The following ST18 variants were observed in gnomAD, a reference collection of about 807,000 sequenced individuals.
The protein encoded by ST18 is ST18 C2H2C-type zinc finger transcription factor, also known as suppression of tumorigenicity 18 protein.
Under a neutral mutation model 110.0 loss-of-function variants are expected in ST18, and 50 were observed. The observed-to-expected ratio is 0.45, with a 90% CI of 0.36 to 0.58. The LOEUF (loss-of-function observed/expected upper bound fraction) is 0.58. ST18 is among the 20% of genes least tolerant of loss of function. The pLI is 0.00. For synonymous variants in ST18, 461 were observed against 452.4 expected (o/e 1.02, Z -0.24); for missense variants, 1,306 against 1,280.1 (o/e 1.02, Z -0.31).
At chr8:52,240,681 A>G (rs2093317045) in intron 2 of ST18, among the ~76,000 whole-genome samples, 2 of 152,084 alleles carry the variant, frequency 1.3e-5, no homozygotes. Context: ...TTCAGGGTCA[A>G]ACTTCTTAAT....
Position 52,173,679 on chromosome 8 carries a change from C to A in ST18, c.278-1096G>T, listed in dbSNP as rs950326277. Among the ~76,000 whole-genome samples, 8 of 152,152 alleles carry A rather than the reference C, an allele frequency of 5.3e-5. No individual in the cohort carries two copies. The East Asian group carries it at 1.5e-3, about 29-fold the overall frequency. ...GGCTGTGAAGTGCCTGCAACAGTGCCCAGACATCCAAAAAATAGGAGGACT... is the reference window on the plus strand; with the variant it reads ...GGCTGTGAAGTGCCTGCAACAGTGCACAGACATCCAAAAAATAGGAGGACT... On this transcript the variant is annotated intron_variant, in intron 9 of 25. Transcript: ENST00000689386.
intron 22 of ST18, among the ~76,000 whole-genome samples, chr8:52,126,678 T>G (rs1216719504): frequency 6.6e-6 from 1 of 152,260 alleles, no homozygotes; most frequent in Non-Finnish European, 1.5e-5. Flanking sequence ...GGGAATGTTT[T>G]TAATTTTTTT....
rs145166994 is a variant in ST18, at chr8:52,397,062, G to A, written c.-465+12266C>T. Among the ~76,000 whole-genome samples the A allele has an allele frequency of 7.2e-3, 1,099 of 152,268 alleles. 12 individuals carry two copies. The highest frequency in any genetic ancestry group is 0.025 in the African/African-American group (1,028 of 41,542). On this transcript the variant is annotated intron_variant, in intron 2 of 25. Transcript: ENST00000689386. The stretch of plus-strand genomic sequence containing the variant: ...GAATTTCTTGGGAAACCTCCATACT[G>A]TTTTTCATAATGGCTGTATCAATCT...
At chr8:52,214,740 C>T (rs1204530068) in intron 6 of ST18, among the ~76,000 whole-genome samples, 4 of 152,070 alleles carry the variant, frequency 2.6e-5, no homozygotes, top group African/African-American at 9.7e-5. Flanking sequence ...CCTCAAATGC[C>T]CCCAGAAAAT....
intron 4 of ST18, among the ~76,000 whole-genome samples, chr8:52,221,375 T>C (rs988306422): frequency 2.6e-5 from 4 of 152,202 alleles, no homozygotes; most frequent in Non-Finnish European, 5.9e-5. Flanking sequence ...ATGTTTTAAG[T>C]TGTCGTCCAA....
At chr8:52,165,450 A>G (rs1282347910) in intron 11 of ST18, among the ~76,000 whole-genome samples, 1 of 152,230 alleles carries the variant, frequency 6.6e-6, no homozygotes, top group Admixed American at 6.5e-5. Context: ...TTGTGTTTAC[A>G]CTAGACTTCA....
intron 2 of ST18, among the ~76,000 whole-genome samples, chr8:52,372,882 G>C (rs1830757786): frequency 6.6e-6 from 1 of 152,244 alleles, no homozygotes; most frequent in Admixed American, 6.5e-5. Context: ...TATGAAGCTG[G>C]GTAATGGGTA....
chr8:52,135,545 G>A (rs1360293161), intron 19 of ST18, among the ~76,000 whole-genome samples: 1 of 123,858 alleles, frequency 8.1e-6, no homozygotes, highest in African/African-American at 3.0e-5. Flanking sequence ...GGGCACCTGG[G>A]CAACAAGACC....
chr8:52,293,845 A>G (rs1178729941), intron 2 of ST18, among the ~76,000 whole-genome samples: 1 of 152,160 alleles, frequency 6.6e-6, no homozygotes, highest in African/African-American at 2.4e-5. Flanking sequence ...TAAACTTCTG[A>G]GTGGAGCTCC....
chr8:52,180,059 T>C, intron 9 of ST18, 63 bp downstream of exon 9: 2 of 1,525,520 alleles, frequency 1.3e-6, no homozygotes, highest in South Asian at 1.2e-5. Context: ...ACACTCTACA[T>C]GAATTAGCAC....
chr8:52,238,607 T>C (rs2093014062), intron 2 of ST18, among the ~76,000 whole-genome samples: 2 of 152,036 alleles, frequency 1.3e-5, no homozygotes, highest in South Asian at 4.2e-4. Flanking sequence ...ATCAACGGAT[T>C]ACTGGATGAA....
At chr8:52,241,614 A>G (rs546606647) in intron 2 of ST18, among the ~76,000 whole-genome samples, 6 of 152,304 alleles carry the variant, frequency 3.9e-5, no homozygotes, top group Admixed American at 1.3e-4. Flanking sequence ...TGTGGCTAAT[A>G]TTCATTGTCT....
chr8:52,237,493 C>T (rs562486166), intron 2 of ST18, among the ~76,000 whole-genome samples: 3 of 152,186 alleles, frequency 2.0e-5, no homozygotes, highest in African/African-American at 7.2e-5. Context: ...TGCAGAGCAC[C>T]TCAGTGCTTG....
chr8:52,261,171 A>T (rs1156432431), intron 2 of ST18, among the ~76,000 whole-genome samples: 1 of 152,212 alleles, frequency 6.6e-6, no homozygotes, highest in East Asian at 1.9e-4. Context: ...AACTCACATA[A>T]ATAAATCATT....
intron 2 of ST18, among the ~76,000 whole-genome samples, chr8:52,370,474 A>T (rs573001784): frequency 1.3e-5 from 2 of 152,198 alleles, no homozygotes; most frequent in East Asian, 3.9e-4. Flanking sequence ...AGAGGGGGGA[A>T]GCTACAACAC....
chr8:52,177,893 C>A (rs912327619), intron 9 of ST18, among the ~76,000 whole-genome samples: 4 of 152,150 alleles, frequency 2.6e-5, no homozygotes, highest in Non-Finnish European at 4.4e-5. Flanking sequence ...TAATCGATAT[C>A]ATTTACGTGT....
chr8:52,136,922 G>A (rs2052646865), intron 18 of ST18, among the ~76,000 whole-genome samples: 1 of 152,194 alleles, frequency 6.6e-6, no homozygotes, highest in Admixed American at 6.5e-5. Flanking sequence ...GCTCAGGGAT[G>A]CAATGATCAC....
intron 2 of ST18, among the ~76,000 whole-genome samples, chr8:52,391,921 A>AGTAGATG (rs1839439689): frequency 6.6e-6 from 1 of 152,200 alleles, no homozygotes; most frequent in Non-Finnish European, 1.5e-5. Context: ...GGGCACTCCA[A>AGTAGATG]GTAGATGGAA....
At chr8:52,308,577 A>G (rs1183543718) in intron 2 of ST18, among the ~76,000 whole-genome samples, 2 of 152,224 alleles carry the variant, frequency 1.3e-5, no homozygotes, top group African/African-American at 4.8e-5. Flanking sequence ...GAGGTTCTTG[A>G]GACTAAGAAA....
Sources: allele counts gnomAD v4.1 joint callset (sites outside exome capture counted in the v4.1 genomes callset), GRCh38; gene constraint gnomAD v4.1.1; transcripts MANE v1.5; gene names NCBI Gene and HGNC (gene_info 2026-07-23, HGNC 2026-07-21).